Variants in ESRRG observed in about 807,000 individuals in gnomAD.
ESRRG encodes the protein estrogen related receptor gamma.
In ESRRG, 13 loss-of-function variants were observed where a neutral mutation model predicts 44.0. The observed-to-expected ratio is 0.30, with a 90% confidence interval of 0.19 to 0.47. The LOEUF is 0.47. Ranked by LOEUF, ESRRG falls within the 20% of genes least tolerant of loss-of-function variation. The probability of loss-of-function intolerance (pLI) is 1.00; values close to 1 mark genes in which losing one functional copy is unlikely to be tolerated. For synonymous variants in ESRRG, 215 were observed against 214.6 expected (o/e 1.00, Z -0.02); for missense variants, 395 against 580.6 (o/e 0.68, Z 3.29).
chr1:216,929,215 T>C (rs1198583464), intron 2 of ESRRG, among the ~76,000 whole-genome samples: 1 of 152,204 alleles, frequency 6.6e-6, no homozygotes, highest in Non-Finnish European at 1.5e-5. Flanking sequence ...TCAGGCTCTG[T>C]TAACAATTGG....
At chr1:217,136,522 C>T (rs547658750) in intron 1 of ESRRG, among the ~76,000 whole-genome samples, 9 of 152,318 alleles carry the variant, frequency 5.9e-5, no homozygotes, top group African/African-American at 1.9e-4. Flanking sequence ...TGCGAGATAG[C>T]TCCGTGGGGT....
At chr1:217,093,982 A>C (rs553259244), upstream of ESRRG, among the ~76,000 whole-genome samples, 2 of 152,236 alleles carry the variant, frequency 1.3e-5, no homozygotes, top group African/African-American at 4.8e-5. Context: ...TCCTGGGCTC[A>C]AGCAATCCTC....
At chr1:216,752,295 A>G (rs1161212013) in intron 2 of ESRRG, among the ~76,000 whole-genome samples, 1 of 152,136 alleles carries the variant, frequency 6.6e-6, no homozygotes, top group Non-Finnish European at 1.5e-5. Context: ...TTTCAGATAC[A>G]TTTCATTTCC....
At chr1:216,922,231 C>T (rs2061939160) in intron 2 of ESRRG, among the ~76,000 whole-genome samples, 2 of 152,298 alleles carry the variant, frequency 1.3e-5, no homozygotes, top group Non-Finnish European at 2.9e-5. Flanking sequence ...GAAGCGTACA[C>T]AGCATTTTTT....
intron 1 of ESRRG, among the ~76,000 whole-genome samples, chr1:216,714,796 A>C (rs182076917): frequency 9.2e-5 from 14 of 152,336 alleles, no homozygotes; most frequent in Admixed American, 8.5e-4. Flanking sequence ...CTCCATTTCT[A>C]TCTATTAAAA....
chr1:216,989,829 G>A (rs2075413797), intron 1 of ESRRG, among the ~76,000 whole-genome samples: 1 of 152,278 alleles, frequency 6.6e-6, no homozygotes, highest in East Asian at 1.9e-4. Flanking sequence ...AAGTCCTGGT[G>A]AGAAGAAAGT....
At chr1:216,908,828 C>G (rs560290982) in intron 2 of ESRRG, among the ~76,000 whole-genome samples, 2 of 105,242 alleles carry the variant, frequency 1.9e-5, no homozygotes, top group African/African-American at 7.2e-5. Flanking sequence ...GTACACACTC[C>G]TAGAAAAAAA....
At chr1:216,753,415 G>A (rs1446516940) in intron 2 of ESRRG, among the ~76,000 whole-genome samples, 1 of 152,002 alleles carries the variant, frequency 6.6e-6, no homozygotes. Context: ...ATGAGACATG[G>A]CAAGAGAAAA....
chr1:217,056,946 G>A (rs780343871), intron 1 of ESRRG, among the ~76,000 whole-genome samples: 6 of 152,014 alleles, frequency 3.9e-5, no homozygotes, highest in Non-Finnish European at 8.8e-5. Context: ...AGTTCAATGG[G>A]CCACTGTGAA....
chr1:216,863,580 C>T (rs1297503596), intron 2 of ESRRG: 1 of 152,164 alleles, frequency 6.6e-6, no homozygotes, highest in African/African-American at 2.4e-5. Context: ...TCCAATTAGT[C>T]AAACCTTTTA....
At chr1:217,060,537 C>A (rs2088155182) in intron 1 of ESRRG, among the ~76,000 whole-genome samples, 2 of 151,842 alleles carry the variant, frequency 1.3e-5, no homozygotes, top group African/African-American at 2.4e-5. Context: ...CAAAATAAAC[C>A]CTTGCTATAC....
chr1:216,569,158 G>GAGGGA (rs1287968465), intron 3 of ESRRG, among the ~76,000 whole-genome samples: 12,349 of 48,654 alleles, frequency 0.25, 4,840 homozygotes, highest in Non-Finnish European at 0.39. Context: ...AGTGGAAGAG[G>GAGGGA]AGGGAAGGGA....
chr1:216,590,685 T>C (rs1232565121), intron 3 of ESRRG, among the ~76,000 whole-genome samples: 1 of 152,162 alleles, frequency 6.6e-6, no homozygotes, highest in Non-Finnish European at 1.5e-5. Context: ...TATTATTCAG[T>C]AATTTCAAGT....
chr1:216,533,163 C>G (rs1241252109), intron 5 of ESRRG, among the ~76,000 whole-genome samples: 2 of 151,902 alleles, frequency 1.3e-5, no homozygotes, highest in African/African-American at 4.8e-5. Context: ...TGTATAAATA[C>G]TAAATACTTT....
intron 3 of ESRRG, among the ~76,000 whole-genome samples, chr1:216,624,908 T>G (rs2150549203): frequency 1.3e-5 from 2 of 152,310 alleles, no homozygotes; most frequent in Non-Finnish European, 2.9e-5. Flanking sequence ...GAGTTTCTAC[T>G]CTCAATTTCC....
intron 1 of ESRRG, among the ~76,000 whole-genome samples, chr1:216,684,762 G>A (rs1419020709): frequency 6.6e-6 from 1 of 152,132 alleles, no homozygotes. Context: ...ACTGATGATG[G>A]CTATTAGCTA....
chr1:216,984,048 T>TGG (rs1188432575), intron 1 of ESRRG, among the ~76,000 whole-genome samples: 8 of 48,666 alleles, frequency 1.6e-4, no homozygotes, highest in East Asian at 6.1e-4. Flanking sequence ...ATAATAAGAA[T>TGG]GGGGGGGGGT....
chr1:216,722,411 TCCC>T (rs368800628), intron 1 of ESRRG, among the ~76,000 whole-genome samples: 1 of 117,516 alleles, frequency 8.5e-6, no homozygotes, highest in African/African-American at 3.1e-5. Flanking sequence ...CCCTACTCAC[TCCC>T]CCCCCTTTAG....
chr1:217,046,410 G>A (rs1249585929), intron 1 of ESRRG, among the ~76,000 whole-genome samples: 1 of 152,122 alleles, frequency 6.6e-6, no homozygotes, highest in Admixed American at 6.6e-5. Context: ...TGACTCTTTA[G>A]CCTAAAACCC....
Sources: gnomAD v4.1 joint callset for allele counts (sites outside exome capture counted in the v4.1 genomes callset) on GRCh38, gnomAD v4.1.1 for gene constraint, MANE v1.5 for transcripts, NCBI Gene and HGNC (gene_info 2026-07-23, HGNC 2026-07-21) for gene names.